Variants in CDK14 observed in about 807,000 individuals in gnomAD.
CDK14 encodes cyclin-dependent kinase 14.
A neutral mutation model predicts 60.7 loss-of-function variants in CDK14; 34 were observed. The observed-to-expected ratio is 0.56, with a 90% CI of 0.43 to 0.75. The LOEUF is 0.75. Among genes scored for constraint, CDK14 ranks in the 30% least tolerant of loss-of-function variants. CDK14 has a pLI of 0.00. For missense variants in CDK14, 482 were observed against 564.1 expected (o/e 0.85, Z 1.47); for synonymous variants, 197 against 203.7 (o/e 0.97, Z 0.28).
intron 9 of CDK14, among the ~76,000 whole-genome samples, chr7:90,967,161 GGGAGGGAAGGAA>G (rs1273600128): frequency 8.0e-5 from 11 of 136,822 alleles, no homozygotes; most frequent in African/African-American, 1.9e-4. Context: ...GAGGGAGGGA[GGGAGGGAAGGAA>G]GGAGGGAAGG....
chr7:91,064,472 A>G (rs76441323), intron 11 of CDK14, among the ~76,000 whole-genome samples: 2,395 of 152,332 alleles, frequency 0.016, 34 homozygotes, highest in Non-Finnish European at 0.023. Context: ...CCCTACCCAT[A>G]GCATTATTAC....
chr7:90,902,509 A>G (rs1434683600), intron 7 of CDK14, among the ~76,000 whole-genome samples: 1 of 152,080 alleles, frequency 6.6e-6, no homozygotes, highest in Non-Finnish European at 1.5e-5. Context: ...TTGGGGAAAT[A>G]ACATTCTCTT....
chr7:90,980,338 A>G (rs1274415304), intron 9 of CDK14, among the ~76,000 whole-genome samples: 1 of 152,176 alleles, frequency 6.6e-6, no homozygotes, highest in African/African-American at 2.4e-5. Flanking sequence ...TAATTATTCA[A>G]ATTCTCAAAA....
At chr7:91,021,295 A>C (rs1796428335) in intron 10 of CDK14, among the ~76,000 whole-genome samples, 1 of 152,168 alleles carries the variant, frequency 6.6e-6, no homozygotes, top group African/African-American at 2.4e-5. Context: ...ATGGGACTTA[A>C]CCTCTGTGTC....
intron 2 of CDK14, among the ~76,000 whole-genome samples, chr7:90,711,654 A>G (rs1402889258): frequency 6.6e-6 from 1 of 152,124 alleles, no homozygotes; most frequent in African/African-American, 2.4e-5. Flanking sequence ...CTGTAAAGGA[A>G]GTATGGATGA....
At chr7:90,868,957 G>T (rs934452206) in intron 6 of CDK14, among the ~76,000 whole-genome samples, 2 of 152,126 alleles carry the variant, frequency 1.3e-5, no homozygotes, top group African/African-American at 4.8e-5. Context: ...TTATATGATG[G>T]TCTAAGGTAT....
At chr7:90,730,092 G>A (rs1428732441) in intron 3 of CDK14, among the ~76,000 whole-genome samples, 1 of 152,116 alleles carries the variant, frequency 6.6e-6, no homozygotes, top group African/African-American at 2.4e-5. Context: ...ACTTATGAGT[G>A]AGAACATGTG....
chr7:90,654,214 A>G (rs2116484915), intron 2 of CDK14, among the ~76,000 whole-genome samples: 1 of 152,280 alleles, frequency 6.6e-6, no homozygotes, highest in South Asian at 2.1e-4. Context: ...AGAAATAGCT[A>G]AAGCATGGTC....
At chr7:90,956,955 T>C (rs891123425) in intron 9 of CDK14, among the ~76,000 whole-genome samples, 1 of 151,790 alleles carries the variant, frequency 6.6e-6, no homozygotes, top group Non-Finnish European at 1.5e-5. Flanking sequence ...CATCATTTCT[T>C]ATGGCTGCAT....
intron 3 of CDK14, among the ~76,000 whole-genome samples, chr7:90,734,715 C>A (rs1355242303): frequency 6.6e-6 from 1 of 152,022 alleles, no homozygotes; most frequent in African/African-American, 2.4e-5. Context: ...TTCATCTAAC[C>A]TTTTTTCAAG....
intron 11 of CDK14, among the ~76,000 whole-genome samples, chr7:91,055,500 T>C (rs1482811068): frequency 6.6e-6 from 1 of 152,222 alleles, no homozygotes; most frequent in Non-Finnish European, 1.5e-5. Flanking sequence ...GATTAAATTT[T>C]CAAGGGAAAA....
chr7:90,747,381 A>G (rs1349652148), intron 3 of CDK14, among the ~76,000 whole-genome samples: 2 of 152,310 alleles, frequency 1.3e-5, no homozygotes, highest in East Asian at 3.9e-4. Context: ...GTGCAATTTC[A>G]TTTATGTAAG....
chr7:90,902,893 G>A (rs757031016), intron 7 of CDK14, among the ~76,000 whole-genome samples: 21 of 151,940 alleles, frequency 1.4e-4, no homozygotes, highest in Admixed American at 3.3e-4. Context: ...CAACTTAACA[G>A]CAAAAGAAAC....
At chr7:90,751,765 C>G (rs1223223352) in intron 4 of CDK14, among the ~76,000 whole-genome samples, 3 of 152,150 alleles carry the variant, frequency 2.0e-5, no homozygotes, top group African/African-American at 4.8e-5. Flanking sequence ...ACCTATCTCT[C>G]TGCTGTTTTC....
chr7:90,768,733 A>C (rs765999779), intron 4 of CDK14, among the ~76,000 whole-genome samples: 8 of 152,254 alleles, frequency 5.3e-5, no homozygotes, highest in Non-Finnish European at 8.8e-5. Context: ...TAGATTCAAA[A>C]TCTGTGAGTT....
chr7:90,955,850 A>G, intron 9 of CDK14, 33 bp downstream of exon 9: 1 of 1,609,774 alleles, frequency 6.2e-7, no homozygotes, highest in South Asian at 1.1e-5. Context: ...TAGCTAATCT[A>G]TCTGTAGTGC....
chr7:91,008,144 AAC>A (rs1562866100), intron 10 of CDK14, among the ~76,000 whole-genome samples: 4 of 138,298 alleles, frequency 2.9e-5, no homozygotes, highest in Admixed American at 7.4e-5. Flanking sequence ...AAAAAAAAAA[AAC>A]AAACAAAAAA....
chr7:91,180,352 T>C lies in CDK14; in HGVS notation c.*29-26813T>C, dbSNP rs531612941. On this transcript the variant is annotated intron_variant, in intron 14 of 14. Coordinates refer to ENST00000380050, the MANE Select transcript of CDK14 (RefSeq NM_001287135.2). ...AATTTGTGCTGGGTCTATTAAATAGTCATTAAGGTAATATTTAATGATCAT... is the reference window on the plus strand; with the variant it reads ...AATTTGTGCTGGGTCTATTAAATAGCCATTAAGGTAATATTTAATGATCAT... Among the ~76,000 whole-genome samples the C allele has an allele frequency of 2.6e-5, 4 of 152,318 alleles. No homozygotes were observed. In the South Asian group the frequency reaches 6.2e-4, roughly 24 times the overall value.
At chr7:90,983,971 T>C (rs1316167311) in intron 9 of CDK14, among the ~76,000 whole-genome samples, 177 bp from the exon 10 acceptor site, 1 of 152,154 alleles carries the variant, frequency 6.6e-6, no homozygotes, top group African/African-American at 2.4e-5. Flanking sequence ...TCACATAATA[T>C]ACCCATGTAA....
Sources: allele counts gnomAD v4.1 joint callset (sites outside exome capture counted in the v4.1 genomes callset), GRCh38; gene constraint gnomAD v4.1.1; transcripts MANE v1.5; gene names NCBI Gene and HGNC (gene_info 2026-07-23, HGNC 2026-07-21).